Variants in PLPBP observed in about 807,000 individuals in gnomAD.
PLPBP encodes the protein pyridoxal phosphate homeostasis protein.
A neutral mutation model predicts 31.2 loss-of-function variants in PLPBP; 21 were observed. That is an observed-to-expected ratio of 0.67 (90% CI 0.48 to 0.97). The LOEUF is 0.97. PLPBP is among the 50% of genes least tolerant of loss of function. The pLI is 0.00. For missense variants in PLPBP, 308 were observed against 354.4 expected (o/e 0.87, Z 1.05); for synonymous variants, 124 against 135.6 (o/e 0.91, Z 0.59).
chr8:37,765,298 A>G (rs980969789), intron 1 of PLPBP, among the ~76,000 whole-genome samples: 1 of 152,256 alleles, frequency 6.6e-6, no homozygotes. Flanking sequence ...TCTGCTGAAT[A>G]TTGACATCGC....
rs557337117 is a variant in PLPBP, at chr8:37,775,507, C to G, written c.597+26C>G. The G allele has an allele frequency of 1.2e-5, 19 of 1,612,644 alleles. No individual in the cohort carries two copies. In the Admixed American group the frequency reaches 2.2e-4, roughly 18 times the overall value. ...GTACTGGGGGGTCGGGGAGATTGCT[C>G]GTGTGCTAAAGAAGCAGGGTGCTGG... On this transcript the variant is annotated intron_variant, in intron 6 of 7. Coordinates refer to ENST00000328195, the MANE Select transcript of PLPBP (RefSeq NM_007198.4).
rs773366537 is a variant in PLPBP, at chr8:37,777,957, C to A, written c.697-16C>A. ...TTTTAAACCTGGTCCTCGATACCTT[C>A]TCTTTTTTCCCACAGGTTGAAGTAG... On this transcript the variant is annotated splice_polypyrimidine_tract_variant and intron_variant, in intron 7 of 7. Coordinates refer to ENST00000328195, the MANE Select transcript of PLPBP (RefSeq NM_007198.4). 6.2e-7 allele frequency: 1 copy of A among 1,606,578 alleles called. No homozygotes were observed. Among genetic ancestry groups the A allele is most frequent in the Admixed American group, 1.7e-5 (1 of 59,820 alleles).
At chr8:37,773,073 T>C (rs1054061999) in intron 5 of PLPBP, among the ~76,000 whole-genome samples, 184 bp downstream of exon 5, 3 of 152,206 alleles carry the variant, frequency 2.0e-5, no homozygotes, top group Admixed American at 1.3e-4. Context: ...GCAGTCTATG[T>C]ATCATTCTTT....
At chr8:37,776,859 C>T (rs529410173) in intron 7 of PLPBP, among the ~76,000 whole-genome samples, 1 of 152,200 alleles carries the variant, frequency 6.6e-6, no homozygotes, top group African/African-American at 2.4e-5. Flanking sequence ...CTCCACCTCC[C>T]AGGTTCAAGT....
chr8:37,766,596 T>C (rs1053827885), intron 4 of PLPBP: 19 of 1,136,348 alleles, frequency 1.7e-5, no homozygotes, highest in Non-Finnish European at 1.9e-5. Context: ...TTATTATTAT[T>C]TGGTGGTCTT....
Position 37,766,260 on chromosome 8 carries a change from G to A in PLPBP, c.244-20G>A, listed in dbSNP as rs746004810. On this transcript the variant is annotated intron_variant, in intron 3 of 7. Coordinates refer to ENST00000328195, the MANE Select transcript of PLPBP (RefSeq NM_007198.4). ...CCTCTATAAAATCTGAATTACACAT[G>A]GTTACCTTTTTCCCCTCAGATTCTG... The A allele has an allele frequency of 5.7e-6, 9 of 1,592,472 alleles. No homozygotes were observed. Among genetic ancestry groups the A allele is most frequent in the East Asian group, 4.6e-5 (2 of 43,830 alleles).
chr8:37,763,030 C>A (rs998876864), intron 1 of PLPBP, among the ~76,000 whole-genome samples: 2 of 152,150 alleles, frequency 1.3e-5, no homozygotes, highest in African/African-American at 4.8e-5. Context: ...ACTTGCGCAC[C>A]GCGTCGTTTC....
rs181610313 is a variant in PLPBP at position 37,766,976 on chromosome 8, G to A, written c.319+621G>A. 1.5e-3 allele frequency among the ~76,000 whole-genome samples: 218 copies of A among 148,876 alleles called. 1 individual carries two copies. Among genetic ancestry groups the A allele is most frequent in the Non-Finnish European group, 2.3e-3 (159 of 67,682 alleles). On this transcript the variant is annotated intron_variant, in intron 4 of 7. Transcript: ENST00000328195. ...GCAGGAGAATCGCATGAACCCGGGA[G>A]GCAGAGGTTGCAGTGATCCAAGATC...
chr8:37,771,197 C>T (rs909237511), intron 4 of PLPBP, among the ~76,000 whole-genome samples: 6 of 152,048 alleles, frequency 3.9e-5, no homozygotes, highest in African/African-American at 1.4e-4. Context: ...AGTGCAGTGG[C>T]GTGATCCCGG....
intron 1 of PLPBP, among the ~76,000 whole-genome samples, chr8:37,764,196 G>A (rs554936243): frequency 6.6e-6 from 1 of 151,692 alleles, no homozygotes; most frequent in African/African-American, 2.4e-5. Flanking sequence ...TCCACCTCCC[G>A]GGTTCACGCA....
intron 1 of PLPBP, among the ~76,000 whole-genome samples, 183 bp from the exon 2 acceptor site, chr8:37,765,343 T>TA (rs1304464310): frequency 2.0e-5 from 3 of 152,220 alleles, no homozygotes. Context: ...GCCATGCGCC[T>TA]AAAAAACATT....
Position 37,767,026 on chromosome 8 carries a change from A to G in PLPBP, c.319+671A>G, listed in dbSNP as rs558669532. 6.0e-4 allele frequency among the ~76,000 whole-genome samples: 89 copies of G among 148,452 alleles called. 2 individuals are homozygous for G. The South Asian group carries it at 0.013, about 21-fold the overall frequency. ...CACGCCACTGCACTCCAGACTAGGT[A>G]ACAGAGCAAGACTTCATCCCAAAAA... is the stretch of plus-strand genomic sequence containing the variant. On this transcript the variant is annotated intron_variant, in intron 4 of 7. Coordinates refer to ENST00000328195, the MANE Select transcript of PLPBP (RefSeq NM_007198.4).
Position 37,763,698 on chromosome 8 carries a change from G to T in PLPBP, c.99+940G>T, listed in dbSNP as rs117430456. Among the ~76,000 whole-genome samples the T allele has an allele frequency of 4.6e-5, 7 of 152,216 alleles. No individual in the cohort carries two copies. The East Asian group carries it at 1.4e-3, about 29-fold the overall frequency. ...TCTCAGGCAGATGGGCTGCCTGTTC[G>T]GGTAACTCTCTGGAAAGCGTCAATC... is the stretch of plus-strand genomic sequence containing the variant. On this transcript the variant is annotated intron_variant, in intron 1 of 7. Coordinates refer to ENST00000328195, the MANE Select transcript of PLPBP (RefSeq NM_007198.4).
chr8:37,768,438 A>G (rs1249636519), intron 4 of PLPBP, among the ~76,000 whole-genome samples: 1 of 150,260 alleles, frequency 6.7e-6, no homozygotes. Context: ...AAAATGTGAA[A>G]TGGTATCTCC....
At chr8:37,772,517 C>T (rs920444947) in intron 4 of PLPBP, among the ~76,000 whole-genome samples, 1 of 152,168 alleles carries the variant, frequency 6.6e-6, no homozygotes, top group Non-Finnish European at 1.5e-5. Context: ...GTATATGCTG[C>T]CTGATCATGT....
At chr8:37,774,894 G>T (rs1803861125) in intron 5 of PLPBP, 1 of 154,150 alleles carries the variant, frequency 6.5e-6, no homozygotes, top group Non-Finnish European at 1.4e-5. Context: ...GTTAAACTTT[G>T]CTAATATATA....
intron 4 of PLPBP, among the ~76,000 whole-genome samples, chr8:37,769,968 C>T (rs1188574649): frequency 1.3e-5 from 2 of 152,140 alleles, no homozygotes; most frequent in African/African-American, 4.8e-5. Flanking sequence ...AACTGTAAAA[C>T]ACTGATGCAA....
chr8:37,770,718 C>T (rs778904899), intron 4 of PLPBP, among the ~76,000 whole-genome samples: 2 of 151,908 alleles, frequency 1.3e-5, no homozygotes, highest in Non-Finnish European at 2.9e-5. Context: ...GCTGGGATTA[C>T]AGGCACGCCC....
At chr8:37,771,785 C>A (rs969548469) in intron 4 of PLPBP, among the ~76,000 whole-genome samples, 7 of 152,076 alleles carry the variant, frequency 4.6e-5, no homozygotes, top group Admixed American at 4.6e-4. Context: ...CATGGCAAAA[C>A]CCCATCTCTA....
Sources: gnomAD v4.1 joint callset for allele counts (sites outside exome capture counted in the v4.1 genomes callset) on GRCh38, gnomAD v4.1.1 for gene constraint, MANE v1.5 for transcripts, NCBI Gene and HGNC (gene_info 2026-07-23, HGNC 2026-07-21) for gene names.